Variants in MSRA observed in about 807,000 individuals in gnomAD.
MSRA encodes methionine sulfoxide reductase A, also known as mitochondrial peptide methionine sulfoxide reductase.
In MSRA, 54 loss-of-function variants were observed where a neutral mutation model predicts 31.3. The observed-to-expected ratio is 1.73, with a 90% CI of 1.39 to 2.17. The LOEUF is 2.17. Ranked by LOEUF, MSRA falls within the 30% of genes most tolerant of loss-of-function variation. The pLI is 0.00. For synonymous variants in MSRA, 169 were observed against 116.5 expected, an observed-to-expected ratio of 1.45 and a Z score of -2.90; for missense variants, 507 against 300.9, an observed-to-expected ratio of 1.69 and a Z score of -5.07.
chr8:10,246,822 A>T (rs910480940), intron 3 of MSRA, among the ~76,000 whole-genome samples: 2 of 151,288 alleles, frequency 1.3e-5, no homozygotes, highest in Non-Finnish European at 3.0e-5. Flanking sequence ...TGGTTATCCT[A>T]TTTTTTTTTA....
At chr8:10,368,906 T>A (rs1397886524) in intron 5 of MSRA, among the ~76,000 whole-genome samples, 1 of 152,182 alleles carries the variant, frequency 6.6e-6, no homozygotes, top group Non-Finnish European at 1.5e-5. Flanking sequence ...AAGCAAAGGC[T>A]TCTCCCCTAC....
At chr8:10,085,034 A>G (rs1305137087) in intron 1 of MSRA, among the ~76,000 whole-genome samples, 1 of 152,244 alleles carries the variant, frequency 6.6e-6, no homozygotes, top group East Asian at 1.9e-4. Context: ...TCATAAATAA[A>G]TCGTACTATG....
chr8:10,357,504 T>A (rs922113658), intron 5 of MSRA, among the ~76,000 whole-genome samples: 1 of 152,218 alleles, frequency 6.6e-6, no homozygotes, highest in African/African-American at 2.4e-5. Context: ...TTATTGAAAC[T>A]CTTATTTTCC....
intron 1 of MSRA, chr8:10,096,098 T>C (rs1423833209): frequency 2.3e-6 from 3 of 1,316,532 alleles, no homozygotes; most frequent in South Asian, 1.9e-5. Context: ...GACATTAACT[T>C]TTCAAGGAGC....
intron 2 of MSRA, among the ~76,000 whole-genome samples, chr8:10,241,469 G>T (rs1812406023): frequency 6.6e-6 from 1 of 152,166 alleles, no homozygotes. Context: ...GATTAGCCTG[G>T]GAGATAGCAA....
intron 2 of MSRA, among the ~76,000 whole-genome samples, chr8:10,233,233 C>T (rs1325296388): frequency 1.3e-5 from 2 of 152,212 alleles, no homozygotes; most frequent in Non-Finnish European, 2.9e-5. Context: ...TAATCACCTT[C>T]GTGTAGGTAC....
At chr8:10,362,884 G>T (rs1804935291) in intron 5 of MSRA, among the ~76,000 whole-genome samples, 1 of 151,720 alleles carries the variant, frequency 6.6e-6, no homozygotes, top group Non-Finnish European at 1.5e-5. Flanking sequence ...TCCTGCTCTT[G>T]TTCCTGCCCC....
intron 1 of MSRA, among the ~76,000 whole-genome samples, chr8:10,185,600 G>A (rs2129051640): frequency 6.6e-6 from 1 of 152,308 alleles, no homozygotes; most frequent in East Asian, 1.9e-4. Context: ...ACAGAAGAGG[G>A]AAAGAACCAA....
chr8:10,096,218 A>C, intron 1 of MSRA: 1 of 1,245,918 alleles, frequency 8.0e-7, no homozygotes, highest in Non-Finnish European at 1.0e-6. Context: ...CTGCTGCTTC[A>C]TGCTGTCCTA....
intron 1 of MSRA, among the ~76,000 whole-genome samples, chr8:10,135,099 C>T (rs1197265799): frequency 6.6e-6 from 1 of 152,238 alleles, no homozygotes; most frequent in Non-Finnish European, 1.5e-5. Flanking sequence ...ATGAGAGAGG[C>T]ACTGTCATTT....
intron 5 of MSRA, among the ~76,000 whole-genome samples, chr8:10,334,381 G>C (rs955311779): frequency 1.3e-5 from 2 of 152,158 alleles, no homozygotes; most frequent in Non-Finnish European, 2.9e-5. Flanking sequence ...GCCTGGCCCT[G>C]GTTCAGCCTC....
intron 1 of MSRA, among the ~76,000 whole-genome samples, chr8:10,199,244 A>C (rs1055877636): frequency 2.6e-5 from 4 of 152,122 alleles, no homozygotes; most frequent in African/African-American, 9.7e-5. Flanking sequence ...CTCCCCAGAC[A>C]GTCTGCAGTC....
At chr8:10,229,930 T>C (rs1033353552) in intron 2 of MSRA, among the ~76,000 whole-genome samples, 1 of 152,236 alleles carries the variant, frequency 6.6e-6, no homozygotes, top group Non-Finnish European at 1.5e-5. Context: ...ATTTCCACTT[T>C]CGAAGCCTCA....
intron 3 of MSRA, among the ~76,000 whole-genome samples, chr8:10,245,835 T>C (rs746304119): frequency 5.9e-5 from 9 of 152,222 alleles, no homozygotes; most frequent in Non-Finnish European, 1.2e-4. Context: ...TCATATGCGC[T>C]AGCTAGACCA....
At chr8:10,227,151 T>G (rs1322255277) in intron 2 of MSRA, among the ~76,000 whole-genome samples, 1 of 152,116 alleles carries the variant, frequency 6.6e-6, no homozygotes, top group Non-Finnish European at 1.5e-5. Flanking sequence ...TAAAATGTGT[T>G]GAATGAGGAG....
In MSRA at chr8:10,181,643, G is replaced by A. The variant is rs190356291; in HGVS notation, c.143-26190G>A. 7.8e-4 allele frequency among the ~76,000 whole-genome samples: 119 copies of A among 152,198 alleles called. 1 individual carries two copies. The highest frequency in any genetic ancestry group is 1.2e-3 in the Non-Finnish European group (83 of 68,002). ...GAGGAGAACAGATGGGTGGAGAGGA[G>A]CCCAGAGAGAGGGCAAGAGTAGAGT... On this transcript the variant is annotated intron_variant, in intron 1 of 5. Transcript: ENST00000317173.
chr8:10,057,239 C>G (rs767649568), intron 1 of MSRA, among the ~76,000 whole-genome samples: 1 of 152,284 alleles, frequency 6.6e-6, no homozygotes, highest in East Asian at 1.9e-4. Context: ...GGCATCTGGG[C>G]AGTGCTGGCT....
At chr8:10,070,724 C>T (rs558530813) in intron 1 of MSRA, among the ~76,000 whole-genome samples, 5 of 152,192 alleles carry the variant, frequency 3.3e-5, no homozygotes, top group African/African-American at 1.2e-4. Context: ...TTCATCATTT[C>T]AAGGATTTTA....
chr8:10,170,927 C>T (rs1048656564), intron 1 of MSRA, among the ~76,000 whole-genome samples: 1 of 152,184 alleles, frequency 6.6e-6, no homozygotes, highest in Non-Finnish European at 1.5e-5. Flanking sequence ...ACTTCCTTTT[C>T]TTATTGTGCT....
Sources: gnomAD v4.1 joint callset for allele counts (sites outside exome capture counted in the v4.1 genomes callset) on GRCh38, gnomAD v4.1.1 for gene constraint, MANE v1.5 for transcripts, NCBI Gene and HGNC (gene_info 2026-07-23, HGNC 2026-07-21) for gene names.